Variants in EDA observed in about 807,000 individuals in gnomAD.
The protein encoded by EDA is ectodysplasin-A.
EDA carries 2 observed loss-of-function variants against 23.6 expected under a neutral mutation model. That is an observed-to-expected ratio of 0.08 (90% CI 0.03 to 0.27). EDA has a LOEUF of 0.27. Ranked by LOEUF, EDA falls within the 10% of genes least tolerant of loss-of-function variation. The pLI, the probability that EDA is intolerant of heterozygous loss-of-function variation, is 1.00. For missense variants in EDA, 229 were observed against 324.2 expected (o/e 0.71, Z 2.26); for synonymous variants, 131 against 132.0 (o/e 0.99, Z 0.05).
chrX:69,645,386 T>C (rs1331814029), intron 1 of EDA, among the ~76,000 whole-genome samples: 1 of 106,107 alleles, frequency 9.4e-6, no homozygotes, highest in Non-Finnish European at 1.9e-5. Flanking sequence ...TTTATGTTCA[T>C]AGAGGTGTTT....
At chrX:69,893,444 C>T (rs1181921109) in intron 1 of EDA, among the ~76,000 whole-genome samples, 1 of 111,839 alleles carries the variant, frequency 8.9e-6, no homozygotes, top group Non-Finnish European at 1.9e-5. Context: ...GATAAGAAAA[C>T]TGAATCCAAG....
chrX:69,692,959 A>T (rs1246848325), intron 1 of EDA: 1 of 112,013 alleles, frequency 8.9e-6, no homozygotes, highest in East Asian at 2.8e-4. Flanking sequence ...AAAGTTAAAG[A>T]CTATACTTTC....
At chrX:69,666,563 A>G (rs899500850) in intron 1 of EDA, among the ~76,000 whole-genome samples, 5 of 112,433 alleles carry the variant, frequency 4.4e-5, no homozygotes, top group African/African-American at 1.6e-4. Flanking sequence ...TGTGGTTTTT[A>G]TCTTTCATTT....
chrX:69,971,990 T>C (rs747154334), intron 2 of EDA, among the ~76,000 whole-genome samples: 2 of 111,134 alleles, frequency 1.8e-5, no homozygotes, highest in South Asian at 7.7e-4. Flanking sequence ...TGGCAACTAA[T>C]TGGTAACTTA....
intron 1 of EDA, among the ~76,000 whole-genome samples, chrX:69,767,382 C>T (rs190430395): frequency 3.1e-4 from 34 of 110,692 alleles, no homozygotes; most frequent in Non-Finnish European, 6.1e-4. Context: ...CTCACCTCCT[C>T]CTATCCTAGG....
At chrX:69,897,866 A>G (rs769758669) in intron 1 of EDA, among the ~76,000 whole-genome samples, 1 of 111,952 alleles carries the variant, frequency 8.9e-6, no homozygotes, top group African/African-American at 3.2e-5. Context: ...GCACTAAAAT[A>G]TAGATGTCTG....
At chrX:69,727,883 T>G (rs1271965443) in intron 1 of EDA, among the ~76,000 whole-genome samples, 2 of 111,816 alleles carry the variant, frequency 1.8e-5, no homozygotes, top group African/African-American at 6.5e-5. Context: ...TCTTCTATTG[T>G]CAAGTCATTT....
intron 1 of EDA, among the ~76,000 whole-genome samples, chrX:69,933,571 G>A (rs1263522208): frequency 9.0e-6 from 1 of 110,872 alleles, no homozygotes; most frequent in Non-Finnish European, 1.9e-5. Flanking sequence ...CAGATACTCA[G>A]GAGGCTGAGG....
intron 2 of EDA, among the ~76,000 whole-genome samples, chrX:70,004,823 A>T (rs1468228319): frequency 3.6e-5 from 4 of 112,329 alleles, no homozygotes; most frequent in Non-Finnish European, 3.8e-5. Context: ...CTGGGCCAGG[A>T]GCAGTGACTC....
intron 1 of EDA, among the ~76,000 whole-genome samples, chrX:69,863,662 C>T (rs28756044): frequency 4.4e-5 from 1 of 22,572 alleles, no homozygotes. Context: ...TACACATATA[C>T]ATATGTATAT....
At chrX:69,889,998 C>T (rs1297858645) in intron 1 of EDA, among the ~76,000 whole-genome samples, 9 of 111,732 alleles carry the variant, frequency 8.1e-5, no homozygotes, top group African/African-American at 2.6e-4. Context: ...TTCTTTTCCA[C>T]GTGGATATTC....
chrX:69,676,520 T>TTG (rs113231038), intron 1 of EDA, among the ~76,000 whole-genome samples: 5,042 of 107,596 alleles, frequency 0.047, 290 homozygotes, highest in African/African-American at 0.16. Context: ...GCACGTGTGC[T>TTG]TGTGTGTGTG....
At chrX:70,028,696 C>G in intron 4 of EDA, among the ~76,000 whole-genome samples, 1 of 112,792 alleles carries the variant, frequency 8.9e-6, no homozygotes, top group Non-Finnish European at 1.9e-5. Context: ...TCATTTCATC[C>G]CTTTGCATCT....
At chrX:69,618,883 A>G (rs1932078182) in intron 1 of EDA, among the ~76,000 whole-genome samples, 1 of 87,762 alleles carries the variant, frequency 1.1e-5, no homozygotes, top group African/African-American at 3.7e-5. Context: ...ACTTAAGTTT[A>G]TCTTATCTTG....
intron 1 of EDA, among the ~76,000 whole-genome samples, chrX:69,879,253 T>C (rs2017702962): frequency 9.0e-6 from 1 of 111,455 alleles, no homozygotes; most frequent in Admixed American, 9.5e-5. Context: ...CCCAGGGATT[T>C]ATAAGCAACT....
At chrX:69,958,961 T>A (rs2019061104) in intron 2 of EDA, among the ~76,000 whole-genome samples, 1 of 111,340 alleles carries the variant, frequency 9.0e-6, no homozygotes, top group Admixed American at 9.6e-5. Context: ...TCCCTCCCTC[T>A]CTGAGTGGTA....
chrX:69,956,682 A>G (rs758481061), intron 1 of EDA, among the ~76,000 whole-genome samples: 1 of 111,405 alleles, frequency 9.0e-6, no homozygotes, highest in East Asian at 2.8e-4. Context: ...GTTCAACTCA[A>G]ATTCTGAGTG....
intron 1 of EDA, among the ~76,000 whole-genome samples, chrX:69,704,565 A>C (rs919097123): frequency 9.2e-6 from 1 of 108,232 alleles, no homozygotes; most frequent in Non-Finnish European, 1.9e-5. Flanking sequence ...TTTCAGGTTA[A>C]CTTCGGAATG....
rs1223244079 is a variant in EDA at position 69,978,502 on chromosome X, C to CAA, written c.502+21387_502+21388dup. ...TGGGTGACAGAGCCAGAATCTGTCT[C>CAA]AAAAAAAAAAAAAAAAAAGAAAGAA... On this transcript the variant is annotated intron_variant, in intron 2 of 7. Coordinates refer to ENST00000374552, the MANE Select transcript of EDA (RefSeq NM_001399.5). Among the ~76,000 whole-genome samples, 312 of 46,860 alleles carry CAA rather than the reference C, an allele frequency of 6.7e-3. 2 individuals are homozygous for CAA. The highest frequency in any genetic ancestry group is 0.019 in the African/African-American group (250 of 13,036). 40.7% of individuals were successfully genotyped at this position (46,860 alleles called of 115,157 possible).
Sources: gnomAD v4.1 joint callset for allele counts (sites outside exome capture counted in the v4.1 genomes callset) on GRCh38, gnomAD v4.1.1 for gene constraint, MANE v1.5 for transcripts, NCBI Gene and HGNC (gene_info 2026-07-23, HGNC 2026-07-21) for gene names.